WDR93: variants seen among roughly 807,000 people sequenced by gnomAD.
WDR93 encodes the protein WD repeat domain 93.
A neutral mutation model predicts 82.9 loss-of-function variants in WDR93; 73 were observed. The observed-to-expected ratio is 0.88, with a 90% CI of 0.73 to 1.07. WDR93 has a LOEUF of 1.07. Among genes scored for constraint, WDR93 ranks in the 50% least tolerant of loss-of-function variants. The pLI is 0.00. For synonymous variants in WDR93, 283 were observed against 300.1 expected (o/e 0.94, Z 0.59); for missense variants, 738 against 826.0 (o/e 0.89, Z 1.31).
intron 13 of WDR93, among the ~76,000 whole-genome samples, chr15:89,733,993 A>ATGTG (rs527967695): frequency 0.015 from 2,182 of 149,298 alleles, 23 homozygotes; most frequent in South Asian, 0.054. Flanking sequence ...AACCTGTATA[A>ATGTG]TGTGTGTGTG....
intron 11 of WDR93, among the ~76,000 whole-genome samples, chr15:89,730,963 C>T (rs988988601): frequency 6.6e-6 from 1 of 152,040 alleles, no homozygotes; most frequent in Non-Finnish European, 1.5e-5. Context: ...ACTTGTTATA[C>T]TTTATATTAC....
intron 7 of WDR93, 31 bp from the exon 8 acceptor site, chr15:89,722,024 G>A: frequency 2.1e-6 from 3 of 1,399,130 alleles, no homozygotes; most frequent in Non-Finnish European, 3.0e-6. Flanking sequence ...TCTTCTCTTG[G>A]CTTATTAACT....
chr15:89,712,130 G>T (rs781543607), intron 5 of WDR93, 26 bp downstream of exon 5: 15 of 1,584,314 alleles, frequency 9.5e-6, no homozygotes, highest in South Asian at 7.9e-5. Context: ...GACTGTTAAG[G>T]TTCAAATTTT....
intron 1 of WDR93, among the ~76,000 whole-genome samples, chr15:89,699,497 C>T (rs11634403): frequency 0.44 from 66,362 of 151,730 alleles, 14,984 homozygotes; most frequent in African/African-American, 0.5. Context: ...TCTGTGGGTT[C>T]ATAGTTTTAA....
intron 8 of WDR93, among the ~76,000 whole-genome samples, chr15:89,724,764 C>T (rs981694812): frequency 7.2e-5 from 11 of 152,270 alleles, no homozygotes; most frequent in African/African-American, 9.6e-5. Context: ...AGTGAAGTAG[C>T]GTAACACATT....
chr15:89,725,551 T>C (rs1417027311), intron 8 of WDR93, among the ~76,000 whole-genome samples: 1 of 149,090 alleles, frequency 6.7e-6, no homozygotes, highest in African/African-American at 2.5e-5. Context: ...TATTTCTTTT[T>C]TTTTTTCTTT....
chr15:89,696,082 G>A (rs1965159048), intron 1 of WDR93, among the ~76,000 whole-genome samples: 1 of 152,050 alleles, frequency 6.6e-6, no homozygotes, highest in South Asian at 2.1e-4. Flanking sequence ...CCCCCAAAGT[G>A]CTGAGATTAC....
intron 4 of WDR93, among the ~76,000 whole-genome samples, chr15:89,706,878 C>G (rs1473729715): frequency 5.9e-5 from 9 of 152,068 alleles, no homozygotes; most frequent in African/African-American, 1.4e-4. Context: ...GAAAGTGATC[C>G]TGGGTTAGGC....
At chr15:89,721,836 G>A (rs1032263693) in intron 7 of WDR93, among the ~76,000 whole-genome samples, 4 of 151,814 alleles carry the variant, frequency 2.6e-5, no homozygotes, top group Non-Finnish European at 1.5e-5. Context: ...TTTTCACTGG[G>A]GTTATTTAGA....
chr15:89,699,267 C>G (rs925848849), intron 1 of WDR93, among the ~76,000 whole-genome samples: 4 of 152,052 alleles, frequency 2.6e-5, no homozygotes, highest in African/African-American at 9.7e-5. Flanking sequence ...CTTTAATTTT[C>G]TGAAAAATAT....
At chr15:89,696,734 A>G (rs35303058) in intron 1 of WDR93, among the ~76,000 whole-genome samples, 2,696 of 152,274 alleles carry the variant, frequency 0.018, 50 homozygotes, top group Non-Finnish European at 0.025. Flanking sequence ...GGCTCAAGCA[A>G]TCTGCCTGCC....
chr15:89,711,994 G>T, intron 4 of WDR93, 32 bp from the exon 5 acceptor site: 1 of 1,571,934 alleles, frequency 6.4e-7, no homozygotes, highest in Non-Finnish European at 8.7e-7. Context: ...AGCAGGCTAT[G>T]CCTACTCTAT....
chr15:89,727,839 T>C (rs1235164094), intron 9 of WDR93, among the ~76,000 whole-genome samples: 2 of 152,106 alleles, frequency 1.3e-5, no homozygotes, highest in Non-Finnish European at 2.9e-5. Context: ...TCCCAGCACT[T>C]TGAGAGTCTG....
intron 1 of WDR93, among the ~76,000 whole-genome samples, chr15:89,694,148 C>T (rs1271068549): frequency 6.6e-6 from 1 of 151,856 alleles, no homozygotes; most frequent in Non-Finnish European, 1.5e-5. Flanking sequence ...ACTAATGATG[C>T]TGAACATCTT....
At chr15:89,722,933 G>A (rs919801940) in intron 8 of WDR93, among the ~76,000 whole-genome samples, 5 of 152,138 alleles carry the variant, frequency 3.3e-5, no homozygotes, top group African/African-American at 9.7e-5. Context: ...GGCCGTGTGC[G>A]GCGGCTCGTG....
chr15:89,703,491 C>A, intron 3 of WDR93: 1 of 283,130 alleles, frequency 3.5e-6, no homozygotes, highest in Non-Finnish European at 6.7e-6. Context: ...CCTTCCAGCA[C>A]TCAGCAGTCC....
Position 89,729,672 on chromosome 15 carries a change from C to G in WDR93, c.1124-11C>G, listed in dbSNP as rs766245995. The stretch of plus-strand genomic sequence containing the variant: ...CACCCATTTTCTGTCTTTCCCCCGC[C>G]CCCCCACCAGGAATGGCCTGTGTCC... On this transcript the variant is annotated splice_polypyrimidine_tract_variant and intron_variant, in intron 10 of 16. Coordinates refer to ENST00000268130, the MANE Select transcript of WDR93 (RefSeq NM_020212.2). 4.0e-5 allele frequency: 64 copies of G among 1,610,524 alleles called. No homozygotes were observed. The highest frequency in any genetic ancestry group is 5.3e-5 in the Non-Finnish European group (62 of 1,178,250).
At chr15:89,708,442 T>C (rs902016490) in intron 4 of WDR93, among the ~76,000 whole-genome samples, 1 of 151,968 alleles carries the variant, frequency 6.6e-6, no homozygotes, top group African/African-American at 2.4e-5. Flanking sequence ...CTGGCTCTAG[T>C]CACCATCACC....
At chr15:89,694,575 A>G (rs1965072836) in intron 1 of WDR93, among the ~76,000 whole-genome samples, 1 of 152,184 alleles carries the variant, frequency 6.6e-6, no homozygotes, top group Non-Finnish European at 1.5e-5. Flanking sequence ...AGTTTTAAAA[A>G]TACTCTGGAC....
Sources: allele counts gnomAD v4.1 joint callset (sites outside exome capture counted in the v4.1 genomes callset), GRCh38; gene constraint gnomAD v4.1.1; transcripts MANE v1.5; gene names NCBI Gene and HGNC (gene_info 2026-07-23, HGNC 2026-07-21).